TMEM170B: variants seen among roughly 807,000 people sequenced by gnomAD.
TMEM170B encodes the protein transmembrane protein 170B.
A neutral mutation model predicts 13.0 loss-of-function variants in TMEM170B; 6 were observed. The observed-to-expected ratio is 0.46, with a 90% CI of 0.25 to 0.91. The LOEUF is 0.91. Ranked by LOEUF, TMEM170B falls within the 40% of genes least tolerant of loss-of-function variation. The probability of loss-of-function intolerance (pLI) is 0.17; values close to 1 mark genes in which losing one functional copy is unlikely to be tolerated. For synonymous variants in TMEM170B, 61 were observed against 64.9 expected (o/e 0.94, Z 0.29); for missense variants, 138 against 165.2 (o/e 0.84, Z 0.90).
intron 2 of TMEM170B, among the ~76,000 whole-genome samples, chr6:11,570,098 A>T (rs1759781546): frequency 6.6e-6 from 1 of 152,128 alleles, no homozygotes; most frequent in Non-Finnish European, 1.5e-5. Flanking sequence ...AATATAGAGG[A>T]TAATTTGGGA....
chr6:11,558,864 A>T (rs1759623719), intron 1 of TMEM170B, among the ~76,000 whole-genome samples: 2 of 152,220 alleles, frequency 1.3e-5, no homozygotes, highest in Non-Finnish European at 2.9e-5. Flanking sequence ...AATATGTGAA[A>T]CTACCTTGAC....
chr6:11,546,995 C>T (rs1274181042), intron 1 of TMEM170B, among the ~76,000 whole-genome samples: 1 of 152,322 alleles, frequency 6.6e-6, no homozygotes, highest in South Asian at 2.1e-4. Context: ...TGCGGTCTCT[C>T]GCTCTCAAAA....
rs952101231 is a variant in TMEM170B, at chr6:11,575,064, A to G, written c.269-367A>G. 2.6e-5 allele frequency among the ~76,000 whole-genome samples: 4 copies of G among 152,104 alleles called. No homozygotes were observed. The highest frequency in any genetic ancestry group is 4.4e-5 in the Non-Finnish European group (3 of 68,002). On this transcript the variant is annotated intron_variant, in intron 2 of 2. Coordinates refer to ENST00000379426, the MANE Select transcript of TMEM170B (RefSeq NM_001100829.3). This position sits in a 1 kb window ranked among gnomAD's most constrained non-coding sequence, Gnocchi z 4.1. ...TGCATTATCACTTGTAATTATCAGT[A>G]TGTTATACTGTATGTTTACAAAAAT...
At position 11,582,192 on chromosome 6, in the gene TMEM170B, C is replaced by G. The variant is rs985282297; in HGVS notation, c.*6631C>G. ...AGCTAAAATGTCTTTATTTAAATAGCAAAAATATAGTTTACCTGACAAGTA... is the reference window on the plus strand; with the variant it reads ...AGCTAAAATGTCTTTATTTAAATAGGAAAAATATAGTTTACCTGACAAGTA... On this transcript the variant is annotated 3_prime_UTR_variant, in exon 3 of 3. Coordinates refer to ENST00000379426, the MANE Select transcript of TMEM170B (RefSeq NM_001100829.3). 3 of 152,132 alleles carry G rather than the reference C, an allele frequency of 2.0e-5. No homozygotes were observed. Among genetic ancestry groups the G allele is most frequent in the African/African-American group, 7.2e-5 (3 of 41,438 alleles). The allele number at this position is 152,132 out of a possible 1,614,324, so 9.4% of individuals were successfully genotyped here.
chr6:11,556,826 T>C (rs1759596092), intron 1 of TMEM170B, among the ~76,000 whole-genome samples: 1 of 152,108 alleles, frequency 6.6e-6, no homozygotes, highest in South Asian at 2.1e-4. Context: ...TTTGCTGCCC[T>C]CCCCTAATGG....
chr6:11,559,917 G>GCTAAT (rs1477508201), intron 1 of TMEM170B, among the ~76,000 whole-genome samples: 3 of 151,814 alleles, frequency 2.0e-5, no homozygotes, highest in African/African-American at 4.8e-5. Context: ...GTATTGACTT[G>GCTAAT]CTAATGACTT....
intron 2 of TMEM170B, among the ~76,000 whole-genome samples, chr6:11,571,106 A>T (rs1163462017): frequency 6.8e-6 from 1 of 147,152 alleles, no homozygotes; most frequent in Non-Finnish European, 1.5e-5. Context: ...ACCTTGTTCT[A>T]TTTTTTTTTC....
At chr6:11,564,365 A>G (rs533906662) in intron 1 of TMEM170B, among the ~76,000 whole-genome samples, 1 of 152,348 alleles carries the variant, frequency 6.6e-6, no homozygotes, top group Non-Finnish European at 1.5e-5. Context: ...GTAAATATCT[A>G]TGTTTAATGA....
In TMEM170B at chr6:11,538,383, C is replaced by G. The variant is rs779675053; in HGVS notation, c.97+9C>G. The G allele has an allele frequency of 4.6e-5, 69 of 1,502,790 alleles. No individual in the cohort carries two copies. Among genetic ancestry groups the G allele is most frequent in the Non-Finnish European group, 5.8e-5 (65 of 1,127,380 alleles). 93.1% of individuals were successfully genotyped at this position (1,502,790 alleles called of 1,614,324 possible). A position where few individuals can be genotyped will look rare whatever the true frequency, so the allele number is the denominator to read the frequency against. The stretch of plus-strand genomic sequence containing the variant: ...GCTGAGGAACCTCACGGGTAATTGA[C>G]GCGCCTGGGCTGGGGACGGGGATGC... On this transcript the variant is annotated intron_variant, in intron 1 of 2. Coordinates refer to ENST00000379426, the MANE Select transcript of TMEM170B (RefSeq NM_001100829.3).
chr6:11,560,308 G>T (rs1759645296), intron 1 of TMEM170B, among the ~76,000 whole-genome samples: 1 of 150,018 alleles, frequency 6.7e-6, no homozygotes, highest in African/African-American at 2.5e-5. Flanking sequence ...GGGACTACAG[G>T]TGCCCGCCAC....
Position 11,545,759 on chromosome 6 carries a change from G to A in TMEM170B, c.97+7385G>A, listed in dbSNP as rs545346797. On this transcript the variant is annotated intron_variant, in intron 1 of 2. Coordinates refer to ENST00000379426, the MANE Select transcript of TMEM170B (RefSeq NM_001100829.3). ...GTTTAAAAAAAAAAGCTGAATCCCA[G>A]CACTTTGGGAGGCCGAGGCAGGTGG... is the stretch of plus-strand genomic sequence containing the variant. 1.1e-4 allele frequency among the ~76,000 whole-genome samples: 16 copies of A among 151,702 alleles called. No individual in the cohort carries two copies. In the South Asian group the frequency reaches 3.3e-3, roughly 32 times the overall value.
intron 1 of TMEM170B, among the ~76,000 whole-genome samples, chr6:11,563,579 T>C (rs1759698184): frequency 6.6e-6 from 1 of 152,192 alleles, no homozygotes; most frequent in South Asian, 2.1e-4. Context: ...GGGGTTCCCA[T>C]TGACCCCTCC....
At chr6:11,556,753 C>T (rs1167439146) in intron 1 of TMEM170B, among the ~76,000 whole-genome samples, 1 of 152,160 alleles carries the variant, frequency 6.6e-6, no homozygotes, top group Non-Finnish European at 1.5e-5. Context: ...AGGTTTTATT[C>T]TTCTACCCTT....
rs867905032 is a variant in TMEM170B at position 11,538,345 on chromosome 6, C to T, written c.68C>T (p.Ala23Val). Residue 23 changes from alanine to valine, a missense_variant, in exon 1 of 3, where the codon GCC (alanine) becomes GTC (valine). By Grantham distance (64) the Ala-to-Val change is moderately conservative. Coordinates refer to ENST00000379426, the MANE Select transcript of TMEM170B (RefSeq NM_001100829.3). ...GTGCAGCAGGTCCTGAGCCTCTGGG[C>T]CCACGGGACGGTGCTGAGGAACCTC... ...LSVQQVLSLW[A>V]HGTVLRNLTE... 6.6e-7 allele frequency: 1 copy of T among 1,508,974 alleles called. No individual in the cohort carries two copies. Among genetic ancestry groups the T allele is most frequent in the Middle Eastern group, 1.7e-4 (1 of 5,902 alleles). The allele number at this position is 1,508,974 out of a possible 1,614,324, so 93.5% of individuals were successfully genotyped here. A position where few individuals can be genotyped will look rare whatever the true frequency, so the allele number is the denominator to read the frequency against.
In TMEM170B at chr6:11,545,280, C is replaced by CTCTCTGTGTGTGTG. The variant is rs1442789332; in HGVS notation, c.97+6907_97+6908insCTCTGTGTGTGTGT. ...TTAAAAGGCTTCTCTCTCTCTCTCT[C>CTCTCTGTGTGTGTG]TGTGTGTGTGTGTGTGTGTGTGTGT... is the stretch of plus-strand genomic sequence containing the variant. On this transcript the variant is annotated intron_variant, in intron 1 of 2. Transcript: ENST00000379426. Among the ~76,000 whole-genome samples, 524 of 139,792 alleles carry CTCTCTGTGTGTGTG rather than the reference C, an allele frequency of 3.7e-3. 2 individuals carry two copies. Among genetic ancestry groups the CTCTCTGTGTGTGTG allele is most frequent in the African/African-American group, 0.011 (406 of 37,358 alleles). The allele number at this position is 139,792 out of a possible 152,430, so 91.7% of individuals were successfully genotyped here.
chr6:11,582,556 T>G lies in TMEM170B; in HGVS notation c.*6995T>G, dbSNP rs1006813358. ...GGTATTTTTCTCTATTTTTTCTTTT[T>G]CCAAGTATGAAATGGAAAAAAATGT... On this transcript the variant is annotated 3_prime_UTR_variant, in exon 3 of 3. Transcript: ENST00000379426. 6.6e-6 allele frequency: 1 copy of G among 152,218 alleles called. No homozygotes were observed. Among genetic ancestry groups the G allele is most frequent in the Non-Finnish European group, 1.5e-5 (1 of 68,038 alleles). 9.4% of individuals were successfully genotyped at this position (152,218 alleles called of 1,614,324 possible).
intron 1 of TMEM170B, among the ~76,000 whole-genome samples, chr6:11,555,580 A>G (rs1429719743): frequency 6.6e-6 from 1 of 152,144 alleles, no homozygotes. Context: ...ACCATTTGAA[A>G]TTGTGCCATA....
intron 1 of TMEM170B, among the ~76,000 whole-genome samples, chr6:11,541,814 A>T (rs955767700): frequency 6.6e-6 from 1 of 152,106 alleles, no homozygotes; most frequent in South Asian, 2.1e-4. Flanking sequence ...TCAGAGGCCA[A>T]TGTAGGATTA....
rs750365625 is a variant in TMEM170B, at chr6:11,579,201, C to T, written c.*3640C>T. 2 of 152,178 alleles carry T rather than the reference C, an allele frequency of 1.3e-5. No homozygotes were observed. The highest frequency in any genetic ancestry group is 2.9e-5 in the Non-Finnish European group (2 of 68,032). 9.4% of individuals were successfully genotyped at this position (152,178 alleles called of 1,614,324 possible). On this transcript the variant is annotated 3_prime_UTR_variant, in exon 3 of 3. Transcript: ENST00000379426. ...AATAGAATTTCCATAACTGAGATAT[C>T]ATGGCTGTGACATAGTGAAGAGAAT...
Sources: gnomAD v4.1 joint callset for allele counts (sites outside exome capture counted in the v4.1 genomes callset) on GRCh38, gnomAD v4.1.1 for gene constraint, Gnocchi (gnomAD v3.1) non-coding constraint, MANE v1.5 for transcripts, NCBI Gene and HGNC (gene_info 2026-07-23, HGNC 2026-07-21) for gene names.